The following GRM8 variants were observed in gnomAD, a reference collection of about 807,000 sequenced individuals.
The protein encoded by GRM8 is metabotropic glutamate receptor 8.
In GRM8, 47 loss-of-function variants were observed where a neutral mutation model predicts 87.2. The ratio of observed to expected loss-of-function variants is 0.54; its 90% confidence interval spans 0.43 to 0.69. The LOEUF (loss-of-function observed/expected upper bound fraction) is 0.69, where lower values mean the gene tolerates loss of function less well. Among genes scored for constraint, GRM8 ranks in the 30% least tolerant of loss-of-function variants. GRM8 has a pLI of 0.00. For synonymous variants in GRM8, 396 were observed against 404.5 expected, an observed-to-expected ratio of 0.98 and a Z score of 0.25; for missense variants, 1,019 against 1,139.2, an observed-to-expected ratio of 0.89 and a Z score of 1.52.
intron 9 of GRM8, among the ~76,000 whole-genome samples, chr7:126,509,714 G>A (rs1811043566): frequency 6.6e-6 from 1 of 151,906 alleles, no homozygotes; most frequent in Non-Finnish European, 1.5e-5. Flanking sequence ...AAATGATAGA[G>A]ATAAAATTTG....
At chr7:126,483,115 CT>C (rs1287397789) in intron 9 of GRM8, among the ~76,000 whole-genome samples, 3 of 147,414 alleles carry the variant, frequency 2.0e-5, no homozygotes, top group Non-Finnish European at 3.0e-5. Context: ...AAATATATAA[CT>C]AAATATATAT....
At chr7:126,847,784 G>C (rs535346277) in intron 6 of GRM8, among the ~76,000 whole-genome samples, 16 of 152,112 alleles carry the variant, frequency 1.1e-4, no homozygotes, top group African/African-American at 3.4e-4. Flanking sequence ...AGATTCAAGG[G>C]GAGAGAATAT....
chr7:126,559,138 G>A (rs1181566797), intron 8 of GRM8, among the ~76,000 whole-genome samples: 1 of 149,896 alleles, frequency 6.7e-6, no homozygotes, highest in Non-Finnish European at 1.5e-5. Flanking sequence ...GTCAGCTACT[G>A]GTAATCTTTT....
intron 9 of GRM8, among the ~76,000 whole-genome samples, chr7:126,522,284 G>A (rs1461815181): frequency 6.6e-6 from 1 of 151,970 alleles, no homozygotes. Flanking sequence ...TTCTTGCCTG[G>A]ATTTCCTCAA....
chr7:126,556,520 G>T (rs1858952), intron 8 of GRM8, among the ~76,000 whole-genome samples: 48,415 of 151,672 alleles, frequency 0.32, 8,375 homozygotes, highest in East Asian at 0.44. Context: ...GGTGGCAGAC[G>T]CCTGTAATCA....
intron 6 of GRM8, among the ~76,000 whole-genome samples, chr7:126,894,310 T>C (rs988541969): frequency 6.6e-6 from 1 of 152,086 alleles, no homozygotes; most frequent in Non-Finnish European, 1.5e-5. Flanking sequence ...TCAAAAATGC[T>C]GAACTGTCAC....
chr7:126,513,834 T>C (rs1346297625), intron 9 of GRM8, among the ~76,000 whole-genome samples: 4 of 152,122 alleles, frequency 2.6e-5, no homozygotes, highest in Non-Finnish European at 4.4e-5. Flanking sequence ...TAAATACTGA[T>C]TCCAAATTGA....
intron 8 of GRM8, among the ~76,000 whole-genome samples, chr7:126,550,741 CTT>C (rs747533752): frequency 1.3e-4 from 19 of 151,670 alleles, no homozygotes; most frequent in Non-Finnish European, 2.5e-4. Context: ...AATAAATGAA[CTT>C]AGTATTAATT....
In GRM8 at chr7:126,760,877, G is replaced by T. The variant is rs1480072113; in HGVS notation, c.1357+8988C>A. On this transcript the variant is annotated intron_variant, in intron 7 of 10. Transcript: ENST00000339582. ...TTTTATGTCAATTTTTCCATATAAT[G>T]AATTTCTGTCTCATTTTCTACTTAT... Among the ~76,000 whole-genome samples the T allele has an allele frequency of 6.6e-5, 10 of 152,180 alleles. No homozygotes were observed. In the East Asian group the frequency reaches 1.9e-3, roughly 29 times the overall value.
intron 7 of GRM8, among the ~76,000 whole-genome samples, chr7:126,655,045 C>A (rs1804348508): frequency 6.6e-6 from 1 of 151,772 alleles, no homozygotes; most frequent in Admixed American, 6.6e-5. Flanking sequence ...GAAAATTTGG[C>A]CAGAAAAGTA....
chr7:127,165,039 G>GT (rs1202541323), intron 2 of GRM8, among the ~76,000 whole-genome samples: 5 of 150,344 alleles, frequency 3.3e-5, no homozygotes, highest in African/African-American at 7.3e-5. Flanking sequence ...TATATACCTG[G>GT]TTTTTTCTAA....
intron 3 of GRM8, among the ~76,000 whole-genome samples, chr7:126,909,475 ACTAATT>A (rs200296895): frequency 0.013 from 2,056 of 152,316 alleles, 43 homozygotes; most frequent in African/African-American, 0.046. Context: ...CTGAAAGATT[ACTAATT>A]GTGTACAATT....
rs115802204 is a variant in GRM8, at chr7:126,588,722, C to A, written c.1494+20640G>T. On this transcript the variant is annotated intron_variant, in intron 8 of 10. Coordinates refer to ENST00000339582, the MANE Select transcript of GRM8 (RefSeq NM_000845.3). ...TGAAAGAACTACTGGAGGAACATAC[C>A]AGGAAAGCCAAAAGAATCCACAGAC... Among the ~76,000 whole-genome samples, 811 of 152,108 alleles carry A rather than the reference C, an allele frequency of 5.3e-3. 8 individuals are homozygous for A. The highest frequency in any genetic ancestry group is 0.019 in the African/African-American group (783 of 41,498).
At chr7:126,886,339 A>C (rs1053876322) in intron 6 of GRM8, among the ~76,000 whole-genome samples, 1 of 152,132 alleles carries the variant, frequency 6.6e-6, no homozygotes, top group African/African-American at 2.4e-5. Context: ...TTTTTTAACA[A>C]AGAAAAGCTT....
chr7:126,609,587 A>T, intron 7 of GRM8, 89 bp from the exon 8 acceptor site: 1 of 940,898 alleles, frequency 1.1e-6, no homozygotes, highest in East Asian at 2.6e-5. Flanking sequence ...GGTAGATAAA[A>T]ATATATTGTG....
At chr7:126,965,947 A>G (rs1268721224) in intron 3 of GRM8, among the ~76,000 whole-genome samples, 1 of 151,962 alleles carries the variant, frequency 6.6e-6, no homozygotes, top group Non-Finnish European at 1.5e-5. Flanking sequence ...ATGTCTTTTC[A>G]TCTTCCTGTC....
At chr7:126,564,519 C>A (rs2150968297) in intron 8 of GRM8, among the ~76,000 whole-genome samples, 1 of 152,102 alleles carries the variant, frequency 6.6e-6, no homozygotes, top group East Asian at 1.9e-4. Context: ...AAAAACTTAC[C>A]AAGACTGAAT....
intron 2 of GRM8, chr7:127,229,281 C>T (rs952675312): frequency 6.6e-6 from 1 of 152,210 alleles, no homozygotes; most frequent in African/African-American, 2.4e-5. Flanking sequence ...TGGCTCAGAG[C>T]AGCAAGGAGC....
chr7:126,646,073 C>T (rs1171941736), intron 7 of GRM8, among the ~76,000 whole-genome samples: 5 of 152,142 alleles, frequency 3.3e-5, no homozygotes, highest in African/African-American at 9.7e-5. Context: ...CTCTGGTCAT[C>T]ATCCCTCCAC....
Sources: allele counts gnomAD v4.1 joint callset (sites outside exome capture counted in the v4.1 genomes callset), GRCh38; gene constraint gnomAD v4.1.1; transcripts MANE v1.5; gene names NCBI Gene and HGNC (gene_info 2026-07-23, HGNC 2026-07-21).